Variants in PGAP3 observed in about 807,000 individuals in gnomAD.
The protein encoded by PGAP3 is post-GPI attachment to proteins phospholipase 3.
Under a neutral mutation model 40.3 loss-of-function variants are expected in PGAP3, and 31 were observed. The observed-to-expected ratio is 0.77, with a 90% CI of 0.58 to 1.04. PGAP3 has a LOEUF of 1.04. PGAP3 is among the 50% of genes least tolerant of loss of function. The probability of loss-of-function intolerance (pLI) is 0.00; values close to 1 mark genes in which losing one functional copy is unlikely to be tolerated. For missense variants in PGAP3, 413 were observed against 423.0 expected (o/e 0.98, Z 0.21); for synonymous variants, 191 against 184.5 (o/e 1.04, Z -0.29).
At chr17:39,673,399 A>G (rs2057335052) in intron 6 of PGAP3, 115 bp downstream of exon 6, 1 of 1,559,664 alleles carries the variant, frequency 6.4e-7, no homozygotes, top group Admixed American at 1.7e-5. Context: ...ATTCTTCTCC[A>G]TTCCTCTACC....
At chr17:39,684,863 G>C (rs1597826493) in intron 2 of PGAP3, 114 bp from the exon 3 acceptor site, 2 of 1,317,678 alleles carry the variant, frequency 1.5e-6, no homozygotes, top group South Asian at 1.5e-5. Context: ...CTCAGCTCTG[G>C]AGTTTGGCCA....
intron 3 of PGAP3, among the ~76,000 whole-genome samples, chr17:39,674,955 T>C (rs979973682): frequency 3.3e-5 from 5 of 152,108 alleles, no homozygotes; most frequent in African/African-American, 1.2e-4. Flanking sequence ...AGTTCCGGTA[T>C]AGCCAAGCTC....
rs939322377 is a variant in PGAP3, at chr17:39,674,678, A to G, written c.434T>C (p.Val145Ala). 7.2e-5 allele frequency: 111 copies of G among 1,550,606 alleles called. No homozygotes were observed. The highest frequency in any genetic ancestry group is 9.4e-5 in the Non-Finnish European group (108 of 1,146,400). The change falls in exon 4 of 8, where the codon GTG (valine) becomes GCG (alanine). Residue 145 changes from valine to alanine, a missense_variant and splice_region_variant. Val to Ala is a moderately conservative substitution (Grantham distance 64). Coordinates refer to ENST00000300658, the MANE Select transcript of PGAP3 (RefSeq NM_033419.5). ...MYHTCVAFAW[V>A]SLNAWFWSTV... ...GGACCAGAACCATGCATTGAGGGAC[A>G]CCTAAGGAGGGAGGGGCTGGTGAGC...
chr17:39,687,778 C>T, intron 1 of PGAP3, 56 bp downstream of exon 1: 3 of 1,256,470 alleles, frequency 2.4e-6, no homozygotes, highest in Non-Finnish European at 3.1e-6. Context: ...GTATTGGGGG[C>T]GCAGGGGGCG....
At chr17:39,682,801 G>A (rs1373099459) in intron 3 of PGAP3, among the ~76,000 whole-genome samples, 2 of 152,036 alleles carry the variant, frequency 1.3e-5, no homozygotes, top group African/African-American at 2.4e-5. Context: ...TCCGTAGGCC[G>A]AGCACGGTGG....
intron 3 of PGAP3, among the ~76,000 whole-genome samples, chr17:39,682,095 G>A (rs2057448017): frequency 6.6e-6 from 1 of 151,094 alleles, no homozygotes; most frequent in Non-Finnish European, 1.5e-5. Context: ...GTGTGGTGGT[G>A]GGCGCCTGTA....
chr17:39,674,737 C>A, intron 3 of PGAP3, 58 bp from the exon 4 acceptor site: 1 of 1,447,196 alleles, frequency 6.9e-7, no homozygotes, highest in Admixed American at 2.0e-5. Flanking sequence ...AAGGCAGGGA[C>A]CCCCATTTGC....
chr17:39,687,311 C>T (rs1011496596), intron 1 of PGAP3, among the ~76,000 whole-genome samples: 9 of 152,206 alleles, frequency 5.9e-5, no homozygotes, highest in African/African-American at 2.2e-4. Context: ...CATATTGTGA[C>T]ACCTGTCACA....
intron 2 of PGAP3, 189 bp from the exon 3 acceptor site, chr17:39,684,938 A>C (rs1597826582): frequency 4.6e-6 from 3 of 654,222 alleles, no homozygotes; most frequent in Non-Finnish European, 5.0e-6. Flanking sequence ...TAAGAGTTAT[A>C]CCCCCATCCT....
intron 3 of PGAP3, among the ~76,000 whole-genome samples, chr17:39,681,289 T>C (rs1478817815): frequency 2.0e-5 from 3 of 152,126 alleles, no homozygotes; most frequent in African/African-American, 7.2e-5. Flanking sequence ...TGGAGCCAGA[T>C]GCCTGAATTC....
At chr17:39,680,493 C>A (rs1442563336) in intron 3 of PGAP3, among the ~76,000 whole-genome samples, 2 of 152,162 alleles carry the variant, frequency 1.3e-5, no homozygotes, top group African/African-American at 4.8e-5. Flanking sequence ...CTCCTTCCCA[C>A]GCCCACCTCC....
chr17:39,672,139 G>A lies in PGAP3; in HGVS notation c.*664C>T, dbSNP rs1257250493. ...CCCACACTCCCGACACACGGTGGCA[G>A]GCTCTCAACCAGACAGCAGCACAGG... On this transcript the variant is annotated 3_prime_UTR_variant, in exon 8 of 8. Transcript: ENST00000300658. 2.0e-5 allele frequency: 3 copies of A among 153,822 alleles called. No individual in the cohort carries two copies. The highest frequency in any genetic ancestry group is 7.2e-5 in the African/African-American group (3 of 41,438). 9.5% of individuals were successfully genotyped at this position (153,822 alleles called of 1,614,324 possible).
chr17:39,684,534 G>C, intron 3 of PGAP3, 63 bp downstream of exon 3: 1 of 1,515,860 alleles, frequency 6.6e-7, no homozygotes, highest in African/African-American at 1.4e-5. Context: ...GGTGTTAATA[G>C]GGATGTAGAG....
In PGAP3 at chr17:39,673,575, G is replaced by C. The variant is rs1255917513; in HGVS notation, c.633C>G (p.Val211=). ...ALLLLMLTVH[V]SYLSLIRFDY... Reference sequence around the variant, plus strand: ...CGAAGCGGATGAGGCTCAGGTAGGAGACGTGCACGGTCAGCATGAGCAGCA... The same window carrying C: ...CGAAGCGGATGAGGCTCAGGTAGGACACGTGCACGGTCAGCATGAGCAGCA... Residue 211 remains valine (V), a synonymous_variant, in exon 6 of 8, where the codon GTC becomes GTG. Transcript: ENST00000300658. The C allele has an allele frequency of 6.2e-7, 1 of 1,614,088 alleles. No homozygotes were observed.
At chr17:39,687,722 C>T in intron 1 of PGAP3, 112 bp downstream of exon 1, 1 of 842,380 alleles carries the variant, frequency 1.2e-6, no homozygotes, top group Non-Finnish European at 1.6e-6. Context: ...CACTCACATT[C>T]ATAAGAGACC....
chr17:39,674,587 T>C (rs1017110665), intron 4 of PGAP3, 30 bp downstream of exon 4: 5 of 1,543,000 alleles, frequency 3.2e-6, no homozygotes, highest in Admixed American at 3.9e-5. Flanking sequence ...GACCACCCTG[T>C]GCAGGAGGGG....
At chr17:39,679,241 G>A (rs963757786) in intron 3 of PGAP3, among the ~76,000 whole-genome samples, 2 of 152,096 alleles carry the variant, frequency 1.3e-5, no homozygotes, top group Admixed American at 6.5e-5. Context: ...CACCATGCCC[G>A]GCCATCTGCT....
At chr17:39,674,189 T>C in intron 4 of PGAP3, 135 bp from the exon 5 acceptor site, 1 of 876,696 alleles carries the variant, frequency 1.1e-6, no homozygotes. Context: ...TCTGACTGAG[T>C]CTTGTGTTCA....
chr17:39,671,529 C>A lies in PGAP3; in HGVS notation c.*1274G>T. 1 of 152,612 alleles carries A rather than the reference C, an allele frequency of 6.6e-6. No homozygotes were observed. The allele number at this position is 152,612 out of a possible 1,614,324, so 9.5% of individuals were successfully genotyped here. ...AGCTTTCTCCCCTTCTCCCTCAAAT[C>A]GCCCCTTCCTCCTCCCCAAAATCAG... On this transcript the variant is annotated 3_prime_UTR_variant, in exon 8 of 8. Transcript: ENST00000300658.
Sources: gnomAD v4.1 joint callset for allele counts (sites outside exome capture counted in the v4.1 genomes callset) on GRCh38, gnomAD v4.1.1 for gene constraint, MANE v1.5 for transcripts, NCBI Gene and HGNC (gene_info 2026-07-23, HGNC 2026-07-21) for gene names.